Variants in GRID2 observed in about 807,000 individuals in gnomAD.
GRID2 encodes glutamate receptor ionotropic, delta-2.
Under a neutral mutation model 114.8 loss-of-function variants are expected in GRID2, and 33 were observed. The observed-to-expected ratio is 0.29, with a 90% CI of 0.22 to 0.38. GRID2 has a LOEUF of 0.38. GRID2 is among the 10% of genes least tolerant of loss of function. GRID2 has a pLI of 1.00. For missense variants in GRID2, 1,184 were observed against 1,257.7 expected, an observed-to-expected ratio of 0.94 and a Z score of 0.89; for synonymous variants, 505 against 449.9, an observed-to-expected ratio of 1.12 and a Z score of -1.55.
intron 12 of GRID2, among the ~76,000 whole-genome samples, chr4:93,508,932 C>T (rs929357184): frequency 2.6e-5 from 4 of 152,160 alleles, no homozygotes; most frequent in African/African-American, 9.7e-5. Context: ...CCAAGACATG[C>T]ACCTGTGATA....
At chr4:93,345,408 C>T (rs986738915) in intron 8 of GRID2, among the ~76,000 whole-genome samples, 6 of 151,940 alleles carry the variant, frequency 3.9e-5, no homozygotes, top group African/African-American at 1.4e-4. Flanking sequence ...TGATGTTGAG[C>T]GTTTTTTCAT....
At chr4:93,121,107 G>C (rs1376259651) in intron 4 of GRID2, among the ~76,000 whole-genome samples, 2 of 151,934 alleles carry the variant, frequency 1.3e-5, no homozygotes, top group Non-Finnish European at 2.9e-5. Flanking sequence ...ATAATAAAAA[G>C]GGTGCCCTGA....
At chr4:92,612,418 A>G (rs1305658555) in intron 2 of GRID2, among the ~76,000 whole-genome samples, 1 of 151,244 alleles carries the variant, frequency 6.6e-6, no homozygotes, top group Non-Finnish European at 1.5e-5. Context: ...CTACCGACTT[A>G]TTTTTGGTTA....
intron 1 of GRID2, among the ~76,000 whole-genome samples, chr4:92,349,216 C>T (rs1366658408): frequency 2.0e-5 from 3 of 151,912 alleles, no homozygotes; most frequent in African/African-American, 7.2e-5. Flanking sequence ...TGGAAAATAA[C>T]ACAATTATAT....
chr4:92,385,839 A>G (rs1729924159), intron 1 of GRID2, among the ~76,000 whole-genome samples: 1 of 149,876 alleles, frequency 6.7e-6, no homozygotes, highest in African/African-American at 2.5e-5. Flanking sequence ...TAGAAAAAAT[A>G]TTTAACTTTT....
intron 2 of GRID2, among the ~76,000 whole-genome samples, chr4:92,957,644 GC>G (rs1238916519): frequency 6.6e-6 from 1 of 150,672 alleles, no homozygotes; most frequent in African/African-American, 2.4e-5. Flanking sequence ...TGAATATTTT[GC>G]CACTTCATAA....
chr4:92,543,258 G>T (rs916117245), intron 1 of GRID2, among the ~76,000 whole-genome samples: 13 of 152,050 alleles, frequency 8.5e-5, no homozygotes, highest in Admixed American at 5.9e-4. Context: ...TCTCCATTTT[G>T]CAGGTTAGGA....
At chr4:92,627,276 A>G (rs1462999547) in intron 2 of GRID2, among the ~76,000 whole-genome samples, 2 of 152,070 alleles carry the variant, frequency 1.3e-5, no homozygotes, top group African/African-American at 4.8e-5. Context: ...TAAGGGTCCA[A>G]TTTCATAGTA....
At chr4:93,676,261 T>C (rs888632438) in intron 14 of GRID2, among the ~76,000 whole-genome samples, 1 of 152,214 alleles carries the variant, frequency 6.6e-6, no homozygotes, top group Admixed American at 6.5e-5. Flanking sequence ...GGGTAAATTA[T>C]TGTTGAAAGA....
intron 2 of GRID2, among the ~76,000 whole-genome samples, chr4:92,688,135 C>T (rs887553715): frequency 6.8e-6 from 1 of 146,762 alleles, no homozygotes; most frequent in Middle Eastern, 3.3e-3. Context: ...CTGCAACCTC[C>T]ACCTCCTGGG....
chr4:92,336,803 G>A (rs191641665), intron 1 of GRID2, among the ~76,000 whole-genome samples: 21 of 151,958 alleles, frequency 1.4e-4, no homozygotes, highest in African/African-American at 4.6e-4. Flanking sequence ...GTGTCATGCT[G>A]CTTCTTCTTC....
intron 1 of GRID2, among the ~76,000 whole-genome samples, chr4:92,560,840 G>C (rs548363241): frequency 6.6e-6 from 1 of 152,030 alleles, no homozygotes; most frequent in South Asian, 2.1e-4. Context: ...CCAAGTGGCT[G>C]GGATTACAGG....
intron 13 of GRID2, among the ~76,000 whole-genome samples, chr4:93,566,905 C>A (rs1442083504): frequency 6.6e-6 from 1 of 152,110 alleles, no homozygotes; most frequent in East Asian, 1.9e-4. Flanking sequence ...CTTTTTATCT[C>A]AACTTTCAAG....
intron 2 of GRID2, among the ~76,000 whole-genome samples, chr4:93,035,327 T>TG (rs1724834415): frequency 6.6e-6 from 1 of 152,128 alleles, no homozygotes; most frequent in African/African-American, 2.4e-5. Flanking sequence ...TTGCCCAGGA[T>TG]GGTCTTGAGC....
intron 8 of GRID2, among the ~76,000 whole-genome samples, chr4:93,309,189 A>G (rs529163617): frequency 6.6e-6 from 1 of 152,116 alleles, no homozygotes; most frequent in East Asian, 1.9e-4. Context: ...TTGTTTCCTC[A>G]CCTCCTAAAA....
At chr4:93,574,050 T>C (rs1007049129) in intron 13 of GRID2, among the ~76,000 whole-genome samples, 1 of 152,124 alleles carries the variant, frequency 6.6e-6, no homozygotes, top group African/African-American at 2.4e-5. Context: ...AGATAGGAAA[T>C]AGTAATATTT....
chr4:93,045,914 C>T (rs902634710), intron 2 of GRID2, among the ~76,000 whole-genome samples: 8 of 151,990 alleles, frequency 5.3e-5, no homozygotes, highest in African/African-American at 1.9e-4. Context: ...GTATAATGTT[C>T]TAATGTTTAA....
intron 14 of GRID2, among the ~76,000 whole-genome samples, chr4:93,711,651 TA>T (rs974431525): frequency 1.3e-5 from 2 of 152,126 alleles, no homozygotes; most frequent in African/African-American, 4.8e-5. Context: ...TTCTGCCCCA[TA>T]TTGCTCTCCA....
chr4:93,163,464 A>G (rs1737950780), intron 4 of GRID2, among the ~76,000 whole-genome samples: 1 of 144,542 alleles, frequency 6.9e-6, no homozygotes. Flanking sequence ...AGGTCTTGCC[A>G]TCTTGCCCAG....
Sources: gnomAD v4.1 joint callset for allele counts (sites outside exome capture counted in the v4.1 genomes callset) on GRCh38, gnomAD v4.1.1 for gene constraint, MANE v1.5 for transcripts, NCBI Gene and HGNC (gene_info 2026-07-23, HGNC 2026-07-21) for gene names.